MCC: variants seen among roughly 807,000 people sequenced by gnomAD.
The protein encoded by MCC is MCC regulator of Wnt signaling pathway, also known as colorectal mutant cancer protein.
Under a neutral mutation model 116.2 loss-of-function variants are expected in MCC, and 90 were observed. The observed-to-expected ratio is 0.77, with a 90% CI of 0.65 to 0.92. The LOEUF (loss-of-function observed/expected upper bound fraction) is 0.92. MCC is among the 40% of genes least tolerant of loss of function. MCC has a pLI of 0.00. For missense variants in MCC, 1,516 were observed against 1,312.2 expected (o/e 1.16, Z -2.40); for synonymous variants, 578 against 510.5 (o/e 1.13, Z -1.78).
chr5:113,441,261 G>T (rs550713982), intron 1 of MCC, among the ~76,000 whole-genome samples: 1 of 152,256 alleles, frequency 6.6e-6, no homozygotes, highest in African/African-American at 2.4e-5. Flanking sequence ...CTTGAACCCA[G>T]GAGGCGGAGG....
intron 11 of MCC, among the ~76,000 whole-genome samples, chr5:113,081,939 G>A (rs1754885794): frequency 6.6e-6 from 1 of 152,200 alleles, no homozygotes; most frequent in African/African-American, 2.4e-5. Context: ...TAGCTCATAA[G>A]TCTTTCAAAT....
At chr5:113,290,799 A>T (rs1284041482) in intron 3 of MCC, among the ~76,000 whole-genome samples, 1 of 152,208 alleles carries the variant, frequency 6.6e-6, no homozygotes, top group Non-Finnish European at 1.5e-5. Context: ...GAGAGGTTGA[A>T]TTCAAACATT....
At chr5:113,438,630 C>T (rs1251698973) in intron 1 of MCC, among the ~76,000 whole-genome samples, 1 of 152,056 alleles carries the variant, frequency 6.6e-6, no homozygotes, top group Non-Finnish European at 1.5e-5. Flanking sequence ...AAGTTATGTA[C>T]AAAATAATAT....
At chr5:113,250,751 G>A (rs1330859081) in intron 3 of MCC, among the ~76,000 whole-genome samples, 1 of 152,156 alleles carries the variant, frequency 6.6e-6, no homozygotes, top group Non-Finnish European at 1.5e-5. Context: ...GAAAACGCAT[G>A]TGGCTTTTTC....
chr5:113,136,249 G>C lies in MCC; in HGVS notation c.884+6969C>G, dbSNP rs565261377. On this transcript the variant is annotated intron_variant, in intron 5 of 18. Coordinates refer to ENST00000408903, the MANE Select transcript of MCC (RefSeq NM_001085377.2). Reference sequence around the variant, plus strand: ...TTTTCTTTAGCTAGCATCTCAGCTGGTTAGAATTCTTTATTTAATGAAGTA... The same window carrying C: ...TTTTCTTTAGCTAGCATCTCAGCTGCTTAGAATTCTTTATTTAATGAAGTA... 2.2e-4 allele frequency among the ~76,000 whole-genome samples: 34 copies of C among 152,258 alleles called. 1 individual carries two copies. Among genetic ancestry groups the C allele is most frequent in the Admixed American group, 7.2e-4 (11 of 15,280 alleles).
intron 1 of MCC, among the ~76,000 whole-genome samples, chr5:113,485,226 C>T (rs1430363909): frequency 2.0e-5 from 3 of 152,134 alleles, no homozygotes; most frequent in African/African-American, 7.2e-5. Flanking sequence ...TTATCCTTCC[C>T]CCACACTTAA....
chr5:113,219,609 T>C (rs904575818), intron 3 of MCC, among the ~76,000 whole-genome samples: 1 of 152,208 alleles, frequency 6.6e-6, no homozygotes, highest in Non-Finnish European at 1.5e-5. Flanking sequence ...TAGGTCCCAG[T>C]TGGAGGACCG....
At chr5:113,206,695 C>A (rs1371469398) in intron 3 of MCC, among the ~76,000 whole-genome samples, 2 of 152,110 alleles carry the variant, frequency 1.3e-5, no homozygotes, top group Non-Finnish European at 2.9e-5. Context: ...TGCGACAGAG[C>A]GAGACTGTCT....
chr5:113,287,978 T>G (rs749011181), intron 3 of MCC, among the ~76,000 whole-genome samples: 3 of 152,276 alleles, frequency 2.0e-5, no homozygotes, highest in South Asian at 4.1e-4. Flanking sequence ...TCTGATCACC[T>G]ACCTGGTCTT....
chr5:113,462,987 T>TTAAAAGAAAGAAGATAATAA (rs1420948792), intron 1 of MCC, among the ~76,000 whole-genome samples: 14 of 152,062 alleles, frequency 9.2e-5, no homozygotes, highest in African/African-American at 3.1e-4. Context: ...GAAGATAATA[T>TTAAAAGAAAGAAGATAATAA]TAAAAGAAAG....
intron 3 of MCC, among the ~76,000 whole-genome samples, chr5:113,237,550 C>T (rs1476880056): frequency 2.0e-5 from 3 of 152,092 alleles, no homozygotes; most frequent in African/African-American, 7.2e-5. Flanking sequence ...CTTATTTCTG[C>T]CAAGAAGGGT....
chr5:113,104,064 T>C, intron 7 of MCC, 128 bp downstream of exon 7: 1 of 976,476 alleles, frequency 1.0e-6, no homozygotes, highest in Non-Finnish European at 1.4e-6. Context: ...TGGCTCAATC[T>C]ATTGTATGGC....
intron 3 of MCC, among the ~76,000 whole-genome samples, chr5:113,161,942 C>G (rs1760508809): frequency 6.6e-6 from 1 of 152,236 alleles, no homozygotes; most frequent in African/African-American, 2.4e-5. Flanking sequence ...CAGGCAGGCC[C>G]TGGCTTGTCT....
At chr5:113,186,452 T>C (rs1761903271) in intron 3 of MCC, among the ~76,000 whole-genome samples, 1 of 152,188 alleles carries the variant, frequency 6.6e-6, no homozygotes, top group African/African-American at 2.4e-5. Flanking sequence ...AGAAATGCGG[T>C]CAGCCTCCCT....
intron 2 of MCC, among the ~76,000 whole-genome samples, chr5:113,357,152 G>T (rs1017446531): frequency 1.3e-5 from 2 of 152,134 alleles, no homozygotes; most frequent in Non-Finnish European, 2.9e-5. Flanking sequence ...ACTTTCATGA[G>T]GTTGTTGTGA....
At chr5:113,132,967 A>G (rs1187396971) in intron 5 of MCC, among the ~76,000 whole-genome samples, 4 of 152,114 alleles carry the variant, frequency 2.6e-5, no homozygotes, top group Non-Finnish European at 5.9e-5. Flanking sequence ...TCAAACTAGC[A>G]GAGCTCAAAG....
At chr5:113,193,988 T>G (rs544720281) in intron 3 of MCC, among the ~76,000 whole-genome samples, 1 of 152,324 alleles carries the variant, frequency 6.6e-6, no homozygotes, top group African/African-American at 2.4e-5. Flanking sequence ...ATCATCTACC[T>G]GCCAGTTCTA....
intron 3 of MCC, chr5:113,294,673 C>T (rs1766653557): frequency 1.9e-6 from 2 of 1,054,256 alleles, no homozygotes; most frequent in Non-Finnish European, 2.3e-6. Context: ...CCCGCGCGCA[C>T]CCAGCGCCCC....
At chr5:113,224,085 G>A (rs991768721) in intron 3 of MCC, among the ~76,000 whole-genome samples, 2 of 152,052 alleles carry the variant, frequency 1.3e-5, no homozygotes, top group Non-Finnish European at 2.9e-5. Flanking sequence ...TTGTTATATA[G>A]TTTTTGTTTT....
Sources: allele counts gnomAD v4.1 joint callset (sites outside exome capture counted in the v4.1 genomes callset), GRCh38; gene constraint gnomAD v4.1.1; transcripts MANE v1.5; gene names NCBI Gene and HGNC (gene_info 2026-07-23, HGNC 2026-07-21).